Variants in DNAJC3 observed in about 807,000 individuals in gnomAD.
The protein encoded by DNAJC3 is dnaJ homolog subfamily C member 3.
DNAJC3 carries 38 observed loss-of-function variants against 68.6 expected under a neutral mutation model. The ratio of observed to expected loss-of-function variants is 0.55; its 90% CI spans 0.43 to 0.73. DNAJC3 has a LOEUF of 0.73. Ranked by LOEUF, DNAJC3 falls within the 30% of genes least tolerant of loss-of-function variation. The pLI, the probability that DNAJC3 is intolerant of heterozygous loss-of-function variation, is 0.00. For synonymous variants in DNAJC3, 203 were observed against 204.0 expected (o/e 1.00, Z 0.04); for missense variants, 526 against 591.9 (o/e 0.89, Z 1.16).
intron 9 of DNAJC3, among the ~76,000 whole-genome samples, chr13:95,783,970 G>C (rs902576211): frequency 6.6e-6 from 1 of 152,080 alleles, no homozygotes; most frequent in Admixed American, 6.5e-5. Context: ...GCTTCTTCCC[G>C]AGGCTCCACC....
In DNAJC3 at chr13:95,786,969, C is replaced by T. The variant is rs533921429; in HGVS notation, c.1209-38C>T. The T allele has an allele frequency of 7.2e-5, 114 of 1,585,134 alleles. 4 individuals are homozygous for T. The South Asian group carries it at 1.2e-3, about 17-fold the overall frequency. ...GATTTTTATGATAGTATGTTAGACA[C>T]TTTTCCACTAATGATTATTTATTTT... On this transcript the variant is annotated intron_variant, in intron 10 of 11. Coordinates refer to ENST00000602402, the MANE Select transcript of DNAJC3 (RefSeq NM_006260.5).
At chr13:95,745,635 T>C (rs1882281275) in intron 4 of DNAJC3, 1 of 152,240 alleles carries the variant, frequency 6.6e-6, no homozygotes, top group Non-Finnish European at 1.5e-5. Flanking sequence ...AAATTCCTTA[T>C]GCTTTTCCCT....
intron 4 of DNAJC3, among the ~76,000 whole-genome samples, chr13:95,749,517 T>C (rs117404699): frequency 6.6e-6 from 1 of 152,164 alleles, no homozygotes; most frequent in Non-Finnish European, 1.5e-5. Context: ...ACTTTTAGGA[T>C]TCATGGCTTA....
At chr13:95,694,525 A>G (rs1282260102) in intron 1 of DNAJC3, 2 of 152,598 alleles carry the variant, frequency 1.3e-5, no homozygotes, top group African/African-American at 4.8e-5. Context: ...ACCATGACTA[A>G]TGATAGGAAA....
At chr13:95,753,595 C>A (rs1161968681) in intron 4 of DNAJC3, among the ~76,000 whole-genome samples, 2 of 151,884 alleles carry the variant, frequency 1.3e-5, no homozygotes, top group Non-Finnish European at 2.9e-5. Flanking sequence ...TATTTTATGC[C>A]AAAGTCTAAT....
intron 4 of DNAJC3, among the ~76,000 whole-genome samples, chr13:95,748,444 T>C (rs998169587): frequency 7.9e-5 from 12 of 152,316 alleles, no homozygotes; most frequent in East Asian, 5.8e-4. Flanking sequence ...AAAATAACTG[T>C]CATCATTTTT....
intron 1 of DNAJC3, among the ~76,000 whole-genome samples, chr13:95,688,676 C>T (rs1880133976): frequency 6.6e-6 from 1 of 152,002 alleles, no homozygotes; most frequent in African/African-American, 2.4e-5. Context: ...CCATGCCTGG[C>T]TACTTTTTTG....
chr13:95,690,897 G>A (rs1469330127), intron 1 of DNAJC3, among the ~76,000 whole-genome samples: 141 of 125,490 alleles, frequency 1.1e-3, no homozygotes, highest in Middle Eastern at 0.013. Flanking sequence ...TCCCAGACGG[G>A]GCGGCTGGCC....
At chr13:95,715,137 A>AGCACTTTG (rs1881095486) in intron 2 of DNAJC3, among the ~76,000 whole-genome samples, 1 of 152,236 alleles carries the variant, frequency 6.6e-6, no homozygotes, top group African/African-American at 2.4e-5. Context: ...CTGTAATTCT[A>AGCACTTTG]GCACTTTGAG....
intron 2 of DNAJC3, among the ~76,000 whole-genome samples, chr13:95,720,802 T>C (rs1163400346): frequency 6.6e-6 from 1 of 151,988 alleles, no homozygotes; most frequent in Non-Finnish European, 1.5e-5. Flanking sequence ...TTTTTAGATT[T>C]AAGAAAAAGA....
intron 4 of DNAJC3, among the ~76,000 whole-genome samples, chr13:95,746,369 C>G (rs187357573): frequency 6.6e-6 from 1 of 152,168 alleles, no homozygotes; most frequent in African/African-American, 2.4e-5. Flanking sequence ...ACCTTATTAC[C>G]TTCTCAAAAA....
chr13:95,791,211 G>A lies in DNAJC3; in HGVS notation c.*181G>A, dbSNP rs1314071616. 4.0e-5 allele frequency: 26 copies of A among 648,022 alleles called. No homozygotes were observed. Among genetic ancestry groups the A allele is most frequent in the Non-Finnish European group, 7.8e-6 (3 of 386,146 alleles). 40.1% of individuals were successfully genotyped at this position (648,022 alleles called of 1,614,324 possible). On this transcript the variant is annotated 3_prime_UTR_variant, in exon 12 of 12. Coordinates refer to ENST00000602402, the MANE Select transcript of DNAJC3 (RefSeq NM_006260.5). ...GATTTATGGTTAATGGGTTTGCAAC[G>A]GCAAGGAGGCAAGGAATGGTTCTAT...
At chr13:95,769,014 TATCTATATCTATATCTA>T (rs1334237884) in intron 9 of DNAJC3, among the ~76,000 whole-genome samples, 3 of 144,216 alleles carry the variant, frequency 2.1e-5, no homozygotes, top group Non-Finnish European at 2.9e-5. Context: ...TCTATATCTA[TATCTATATCTATATCTA>T]ATCTATATCT....
At chr13:95,723,852 C>T (rs1312699162) in intron 3 of DNAJC3, among the ~76,000 whole-genome samples, 1 of 151,868 alleles carries the variant, frequency 6.6e-6, no homozygotes, top group East Asian at 1.9e-4. Context: ...GGTGGAGAAA[C>T]TTGTAGCCTA....
intron 2 of DNAJC3, among the ~76,000 whole-genome samples, chr13:95,711,357 C>T (rs1259462954): frequency 1.3e-5 from 2 of 151,984 alleles, no homozygotes; most frequent in Admixed American, 6.6e-5. Context: ...ATTAGCCAAG[C>T]GTGGTGGTGG....
In DNAJC3 at chr13:95,763,682, A is replaced by C. The variant is rs1882889915; in HGVS notation, c.888A>C (p.Lys296Asn). The change falls in exon 8 of 12, where the codon AAA (lysine) becomes AAC (asparagine). Residue 296 changes from lysine (K) to asparagine (N), a missense_variant. Physicochemically the swap from Lys to Asn is moderately conservative, Grantham distance 94. Coordinates refer to ENST00000602402, the MANE Select transcript of DNAJC3 (RefSeq NM_006260.5). ...CCAGCAAATATGAATCTGTCATGAA[A>C]ACAGAGCCAAGCATTGCTGAATATA... ...DATSKYESVM[K>N]TEPSIAEYTV... is the part of the protein sequence containing the mutation. The C allele has an allele frequency of 6.2e-7, 1 of 1,613,866 alleles. No homozygotes were observed. The highest frequency in any genetic ancestry group is 8.5e-7 in the Non-Finnish European group (1 of 1,179,908).
At chr13:95,753,353 TA>T (rs1390053142) in intron 4 of DNAJC3, among the ~76,000 whole-genome samples, 1 of 152,162 alleles carries the variant, frequency 6.6e-6, no homozygotes, top group African/African-American at 2.4e-5. Flanking sequence ...ACATTCAAAT[TA>T]GTGTTATTTT....
intron 9 of DNAJC3, among the ~76,000 whole-genome samples, chr13:95,769,524 T>C (rs1458469554): frequency 6.6e-6 from 1 of 152,260 alleles, no homozygotes; most frequent in Non-Finnish European, 1.5e-5. Flanking sequence ...AATCAGAATC[T>C]ATAAAGCAGA....
intron 1 of DNAJC3, among the ~76,000 whole-genome samples, chr13:95,681,919 C>A (rs1045931652): frequency 2.0e-5 from 3 of 152,134 alleles, no homozygotes; most frequent in South Asian, 2.1e-4. Flanking sequence ...TACATTTGTA[C>A]CTATTCTGCT....
Sources: allele counts gnomAD v4.1 joint callset (sites outside exome capture counted in the v4.1 genomes callset), GRCh38; gene constraint gnomAD v4.1.1; transcripts MANE v1.5; gene names NCBI Gene and HGNC (gene_info 2026-07-23, HGNC 2026-07-21).